The following MARCHF1 variants were observed in gnomAD, a reference collection of about 807,000 sequenced individuals.
The protein encoded by MARCHF1 is E3 ubiquitin-protein ligase MARCHF1.
A neutral mutation model predicts 54.2 loss-of-function variants in MARCHF1; 40 were observed. The observed-to-expected ratio is 0.74, with a 90% CI of 0.57 to 0.96. The LOEUF is 0.96. MARCHF1 is among the 40% of genes least tolerant of loss of function. The pLI, the probability that MARCHF1 is intolerant of heterozygous loss-of-function variation, is 0.00. For missense variants in MARCHF1, 586 were observed against 656.5 expected, an observed-to-expected ratio of 0.89 and a Z score of 1.17; for synonymous variants, 236 against 236.3, an observed-to-expected ratio of 1.00 and a Z score of 0.01.
intron 4 of MARCHF1, among the ~76,000 whole-genome samples, chr4:163,805,487 G>C (rs1284429931): frequency 6.6e-6 from 1 of 152,082 alleles, no homozygotes; most frequent in African/African-American, 2.4e-5. Context: ...GCAAAATTTG[G>C]CATGGCACTT....
intron 3 of MARCHF1, among the ~76,000 whole-genome samples, chr4:163,876,960 A>C (rs1750302879): frequency 6.6e-6 from 1 of 152,160 alleles, no homozygotes; most frequent in African/African-American, 2.4e-5. Flanking sequence ...CGAAAAAGAT[A>C]ACCTTATGGA....
At chr4:163,979,865 GGTT>G (rs1752726548) in intron 3 of MARCHF1, among the ~76,000 whole-genome samples, 1 of 151,764 alleles carries the variant, frequency 6.6e-6, no homozygotes, top group Admixed American at 6.6e-5. Flanking sequence ...TTTTTGATGG[GGTT>G]GTTTGTTTTT....
In MARCHF1 at chr4:163,533,680, A is replaced by AATATATATAT. The variant is rs35349951; in HGVS notation, c.1340-4644_1340-4635dup. ...GCTCCAAAAATAGTCTTTTATATAT[A>AATATATATAT]ATATATATATATATATTTATATATA... On this transcript the variant is annotated intron_variant, in intron 9 of 9. Coordinates refer to ENST00000514618, the MANE Select transcript of MARCHF1 (RefSeq NM_001394959.1). Among the ~76,000 whole-genome samples the AATATATATAT allele has an allele frequency of 7.5e-3, 1,083 of 144,102 alleles. 16 individuals carry two copies. Among genetic ancestry groups the AATATATATAT allele is most frequent in the African/African-American group, 0.025 (987 of 39,376 alleles). 94.5% of individuals were successfully genotyped at this position (144,102 alleles called of 152,430 possible).
At chr4:164,280,726 T>G (rs1036929310) in intron 1 of MARCHF1, among the ~76,000 whole-genome samples, 2 of 152,086 alleles carry the variant, frequency 1.3e-5, no homozygotes, top group African/African-American at 2.4e-5. Context: ...CACTTCAAAT[T>G]TTGGGAAATT....
At chr4:163,816,868 G>A (rs1027369393) in intron 4 of MARCHF1, among the ~76,000 whole-genome samples, 2 of 151,432 alleles carry the variant, frequency 1.3e-5, no homozygotes, top group Admixed American at 6.6e-5. Context: ...CACTCCCCCC[G>A]CTGTGCCCCC....
chr4:164,064,912 T>G (rs1754694629), intron 2 of MARCHF1, among the ~76,000 whole-genome samples: 1 of 152,194 alleles, frequency 6.6e-6, no homozygotes. Context: ...GGTAATCATG[T>G]GGTTTTTGTC....
At chr4:163,630,894 A>C (rs1173631892) in intron 5 of MARCHF1, among the ~76,000 whole-genome samples, 1 of 152,200 alleles carries the variant, frequency 6.6e-6, no homozygotes, top group Non-Finnish European at 1.5e-5. Flanking sequence ...TGCAAGGAAA[A>C]AGGAAAAGAA....
At chr4:164,363,580 A>G (rs1203467540) in intron 1 of MARCHF1, among the ~76,000 whole-genome samples, 2 of 152,124 alleles carry the variant, frequency 1.3e-5, no homozygotes, top group Non-Finnish European at 1.5e-5. Context: ...AAGTTCATCC[A>G]GGTAGCTCCT....
At position 163,693,718 on chromosome 4, in the gene MARCHF1, CAT is replaced by C. The variant is rs1278507838; in HGVS notation, c.162+7093_162+7094del. Among the ~76,000 whole-genome samples, 2 of 143,138 alleles carry C rather than the reference CAT, an allele frequency of 1.4e-5. 1 individual carries two copies. The highest frequency in any genetic ancestry group is 4.5e-4 in the East Asian group (2 of 4,440). The allele number at this position is 143,138 out of a possible 152,430, so 93.9% of individuals were successfully genotyped here. ...GGCCTTTGTATGGACATCAGTTGAC[CAT>C]ATGACTGGAACTATCCCTCATGAGC... On this transcript the variant is annotated intron_variant, in intron 5 of 9. Coordinates refer to ENST00000514618, the MANE Select transcript of MARCHF1 (RefSeq NM_001394959.1).
intron 4 of MARCHF1, among the ~76,000 whole-genome samples, chr4:163,777,461 G>C (rs1747338429): frequency 6.6e-6 from 1 of 151,968 alleles, no homozygotes; most frequent in Non-Finnish European, 1.5e-5. Context: ...TCTATTATAA[G>C]GCATTACATG....
At chr4:164,282,530 A>G (rs1408833769) in intron 1 of MARCHF1, among the ~76,000 whole-genome samples, 2 of 150,648 alleles carry the variant, frequency 1.3e-5, no homozygotes, top group East Asian at 4.0e-4. Flanking sequence ...CCCACCATTC[A>G]TCACCACCGT....
intron 5 of MARCHF1, among the ~76,000 whole-genome samples, chr4:163,653,235 T>C (rs539179714): frequency 4.4e-4 from 67 of 151,852 alleles, no homozygotes; most frequent in Non-Finnish European, 5.6e-4. Flanking sequence ...TAAGAAGACA[T>C]GAACATGCTC....
intron 1 of MARCHF1, among the ~76,000 whole-genome samples, chr4:164,265,960 AT>A (rs1440066281): frequency 7.9e-5 from 12 of 152,150 alleles, no homozygotes; most frequent in Non-Finnish European, 1.5e-4. Context: ...TAATTGGGAG[AT>A]TTTGTTGTTT....
chr4:163,931,585 T>G (rs958569063), intron 3 of MARCHF1, among the ~76,000 whole-genome samples: 1 of 152,190 alleles, frequency 6.6e-6, no homozygotes, highest in Non-Finnish European at 1.5e-5. Flanking sequence ...CTTGGACTTC[T>G]CAGCTTCCAG....
At chr4:163,768,167 AGTGTCTAG>A (rs1409534975) in intron 4 of MARCHF1, among the ~76,000 whole-genome samples, 2 of 152,156 alleles carry the variant, frequency 1.3e-5, no homozygotes, top group Non-Finnish European at 2.9e-5. Context: ...TGTTCTCTGA[AGTGTCTAG>A]GAGCTTGCGC....
At chr4:163,803,266 C>T (rs1338586190) in intron 4 of MARCHF1, among the ~76,000 whole-genome samples, 1 of 152,100 alleles carries the variant, frequency 6.6e-6, no homozygotes, top group Non-Finnish European at 1.5e-5. Context: ...CTCTGCCTCC[C>T]GGGTTCAAGT....
chr4:163,652,481 A>G lies in MARCHF1; in HGVS notation c.163-39088T>C, dbSNP rs375910686. 5.2e-3 allele frequency among the ~76,000 whole-genome samples: 795 copies of G among 151,816 alleles called. 4 individuals are homozygous for G. The highest frequency in any genetic ancestry group is 0.013 in the African/African-American group (528 of 41,460). On this transcript the variant is annotated intron_variant, in intron 5 of 9. Coordinates refer to ENST00000514618, the MANE Select transcript of MARCHF1 (RefSeq NM_001394959.1). ...ACTTTGCATTTACTCTTTGTTTCTG[A>G]CTGTGATGTCTCTCCTCCAGCTCTC...
At chr4:163,539,094 C>T (rs1189307699) in intron 9 of MARCHF1, among the ~76,000 whole-genome samples, 3 of 152,082 alleles carry the variant, frequency 2.0e-5, no homozygotes, top group African/African-American at 7.2e-5. Context: ...GATCTCAGCT[C>T]ACTGCAACCT....
chr4:163,580,046 T>C (rs1740169041), intron 8 of MARCHF1, among the ~76,000 whole-genome samples: 1 of 146,162 alleles, frequency 6.8e-6, no homozygotes, highest in Admixed American at 6.8e-5. Flanking sequence ...GAATTGTCTT[T>C]TGTAGAGCCT....
Sources: gnomAD v4.1 joint callset for allele counts (sites outside exome capture counted in the v4.1 genomes callset) on GRCh38, gnomAD v4.1.1 for gene constraint, MANE v1.5 for transcripts, NCBI Gene and HGNC (gene_info 2026-07-23, HGNC 2026-07-21) for gene names.